The following RPH3A variants were observed in gnomAD, a reference collection of about 807,000 sequenced individuals.
RPH3A encodes rabphilin 3A, also known as rabphilin-3A.
A neutral mutation model predicts 102.2 loss-of-function variants in RPH3A; 48 were observed. That is an observed-to-expected ratio of 0.47 (90% confidence interval 0.37 to 0.60). The LOEUF is 0.60. Ranked by LOEUF, RPH3A falls within the 20% of genes least tolerant of loss-of-function variation. RPH3A has a pLI of 0.00. For synonymous variants in RPH3A, 310 were observed against 324.3 expected (o/e 0.96, Z 0.47); for missense variants, 781 against 910.1 (o/e 0.86, Z 1.83).
intron 1 of RPH3A, among the ~76,000 whole-genome samples, chr12:112,635,161 A>T (rs2039838959): frequency 1.3e-5 from 2 of 152,252 alleles, no homozygotes; most frequent in South Asian, 2.1e-4. Context: ...CAACTATGCC[A>T]CTATAATATG....
intron 1 of RPH3A, among the ~76,000 whole-genome samples, chr12:112,575,700 C>G (rs1468021497): frequency 6.7e-6 from 1 of 149,952 alleles, no homozygotes; most frequent in Non-Finnish European, 1.5e-5. Flanking sequence ...CGATATGTGC[C>G]TCTCCTGGAG....
At position 112,655,563 on chromosome 12, in the gene RPH3A, C is replaced by CTTTTTTTT. The variant is rs71086113; in HGVS notation, c.-140+80264_-140+80271dup. 1.7e-3 allele frequency among the ~76,000 whole-genome samples: 92 copies of CTTTTTTTT among 55,590 alleles called. 9 individuals carry two copies. The highest frequency in any genetic ancestry group is 5.3e-3 in the East Asian group (8 of 1,500). The allele number at this position is 55,590 out of a possible 152,430, so 36.5% of individuals were successfully genotyped here. A position where few individuals can be genotyped will look rare whatever the true frequency, so the allele number is the denominator to read the frequency against. ...GGGCCCATCTCGAATTTTTGTTGGT[C>CTTTTTTTT]TTTTTTTTTTTTTTTTTTTTTTTTT... On this transcript the variant is annotated intron_variant, in intron 1 of 21. Transcript: ENST00000543106.
intron 1 of RPH3A, among the ~76,000 whole-genome samples, chr12:112,727,696 G>A (rs2040604559): frequency 6.6e-6 from 1 of 151,978 alleles, no homozygotes; most frequent in African/African-American, 2.4e-5. Flanking sequence ...ATAAAATCAA[G>A]TAGTGAAGTC....
At chr12:112,720,232 A>C (rs1051522330) in intron 1 of RPH3A, among the ~76,000 whole-genome samples, 2 of 152,224 alleles carry the variant, frequency 1.3e-5, no homozygotes, top group Non-Finnish European at 2.9e-5. Flanking sequence ...GTGTCTTTGG[A>C]GATTTCAGGA....
intron 1 of RPH3A, among the ~76,000 whole-genome samples, chr12:112,603,886 A>T (rs1239326100): frequency 6.6e-6 from 1 of 152,130 alleles, no homozygotes; most frequent in Non-Finnish European, 1.5e-5. Context: ...GCCCCCCAGC[A>T]TACTGCCTAG....
At chr12:112,891,579 A>C (rs1376715196) in intron 19 of RPH3A, among the ~76,000 whole-genome samples, 1 of 152,186 alleles carries the variant, frequency 6.6e-6, no homozygotes, top group Non-Finnish European at 1.5e-5. Context: ...TCAGGGGAGA[A>C]AGGGAGAGAT....
At chr12:112,870,328 A>AC (rs938808717) in intron 10 of RPH3A, among the ~76,000 whole-genome samples, 4 of 151,538 alleles carry the variant, frequency 2.6e-5, no homozygotes, top group African/African-American at 9.7e-5. Flanking sequence ...AAAAAAAAAA[A>AC]ACCCTGGGGG....
At chr12:112,841,854 C>A (rs1163477722) in intron 4 of RPH3A, 4 of 447,934 alleles carry the variant, frequency 8.9e-6, no homozygotes, top group African/African-American at 8.0e-5. Flanking sequence ...TTCATTCCTG[C>A]CACTTAAAGT....
chr12:112,725,688 A>G (rs1012822), intron 1 of RPH3A, among the ~76,000 whole-genome samples: 49,421 of 152,000 alleles, frequency 0.33, 8,308 homozygotes, highest in South Asian at 0.39. Flanking sequence ...ACCCGTGATC[A>G]GATCGGAGCT....
chr12:112,690,839 T>C (rs192749527), intron 1 of RPH3A, among the ~76,000 whole-genome samples: 68 of 152,276 alleles, frequency 4.5e-4, no homozygotes, highest in African/African-American at 1.6e-3. Context: ...CAATCATTTG[T>C]CTTTTTCACT....
At chr12:112,712,904 C>CTTCTTCTTCTTCT (rs2040475211) in intron 1 of RPH3A, among the ~76,000 whole-genome samples, 3 of 92,548 alleles carry the variant, frequency 3.2e-5, no homozygotes, top group South Asian at 4.3e-4. Flanking sequence ...CTTCTTCTTC[C>CTTCTTCTTCTTCT]TCTTCTTCTT....
At chr12:112,617,902 T>C (rs2039693907) in intron 1 of RPH3A, 1 of 152,202 alleles carries the variant, frequency 6.6e-6, no homozygotes. Context: ...GACAAAATCG[T>C]TCATGCTTAT....
At chr12:112,624,275 G>GT (rs2039755699) in intron 1 of RPH3A, among the ~76,000 whole-genome samples, 1 of 151,206 alleles carries the variant, frequency 6.6e-6, no homozygotes, top group Admixed American at 6.6e-5. Flanking sequence ...CCAGGAGCTA[G>GT]TTTTTTGAAA....
At chr12:112,877,423 C>T (rs1565937816) in intron 13 of RPH3A, among the ~76,000 whole-genome samples, 2 of 120,226 alleles carry the variant, frequency 1.7e-5, no homozygotes, top group Admixed American at 7.7e-5. Flanking sequence ...CACGTATACA[C>T]ACACACACAC....
At chr12:112,747,579 A>C (rs1259980828) in intron 1 of RPH3A, among the ~76,000 whole-genome samples, 1 of 152,160 alleles carries the variant, frequency 6.6e-6, no homozygotes, top group Non-Finnish European at 1.5e-5. Context: ...TGCCTGGCAC[A>C]TAGCAAGTGC....
At chr12:112,872,790 AT>A (rs1298163236) in intron 10 of RPH3A, among the ~76,000 whole-genome samples, 1 of 152,174 alleles carries the variant, frequency 6.6e-6, no homozygotes, top group African/African-American at 2.4e-5. Flanking sequence ...GTCATAGGAC[AT>A]TTCTGAACTG....
intron 1 of RPH3A, among the ~76,000 whole-genome samples, chr12:112,603,176 C>T (rs895279080): frequency 3.9e-5 from 6 of 152,114 alleles, no homozygotes; most frequent in African/African-American, 1.4e-4. Flanking sequence ...TGTTGAATGA[C>T]TGTCTTATGA....
chr12:112,837,943 C>T, intron 4 of RPH3A: 1 of 412,112 alleles, frequency 2.4e-6, no homozygotes, highest in South Asian at 1.8e-5. Flanking sequence ...AAACACTTAC[C>T]CCAAGTACCT....
intron 1 of RPH3A, among the ~76,000 whole-genome samples, chr12:112,693,948 A>C (rs1302240998): frequency 1.3e-5 from 2 of 152,204 alleles, no homozygotes; most frequent in African/African-American, 2.4e-5. Context: ...TGCCCAATAA[A>C]TATTTGCTGA....
Sources: gnomAD v4.1 joint callset for allele counts (sites outside exome capture counted in the v4.1 genomes callset) on GRCh38, gnomAD v4.1.1 for gene constraint, MANE v1.5 for transcripts, NCBI Gene and HGNC (gene_info 2026-07-23, HGNC 2026-07-21) for gene names.